The following CNTN5 variants were observed in gnomAD, a reference collection of about 807,000 sequenced individuals.
CNTN5 encodes the protein contactin 5.
In CNTN5, 77 loss-of-function variants were observed where a neutral mutation model predicts 129.1. The observed-to-expected ratio is 0.60, with a 90% CI of 0.50 to 0.72. The LOEUF is 0.72. Ranked by LOEUF, CNTN5 falls within the 30% of genes least tolerant of loss-of-function variation. The probability of loss-of-function intolerance (pLI) is 0.00; values close to 1 mark genes in which losing one functional copy is unlikely to be tolerated. For missense variants in CNTN5, 1,478 were observed against 1,328.8 expected, an observed-to-expected ratio of 1.11 and a Z score of -1.75; for synonymous variants, 509 against 465.6, an observed-to-expected ratio of 1.09 and a Z score of -1.20.
chr11:99,342,592 A>G, intron 2 of CNTN5, among the ~76,000 whole-genome samples: 1 of 140,026 alleles, frequency 7.1e-6, no homozygotes, highest in Admixed American at 7.1e-5. Flanking sequence ...AAAAAAAAAA[A>G]AAAAAAAAAA....
intron 3 of CNTN5, among the ~76,000 whole-genome samples, chr11:99,601,533 G>C (rs1950311791): frequency 6.6e-6 from 1 of 152,070 alleles, no homozygotes; most frequent in South Asian, 2.1e-4. Flanking sequence ...AAATTAACTT[G>C]ATATTCAAAG....
intron 1 of CNTN5, among the ~76,000 whole-genome samples, chr11:99,069,654 G>A (rs1443596104): frequency 1.3e-5 from 2 of 151,988 alleles, no homozygotes; most frequent in East Asian, 1.9e-4. Flanking sequence ...ACATTTTTCA[G>A]GTACTTAATA....
At chr11:100,054,412 C>A (rs1204802774) in intron 9 of CNTN5, among the ~76,000 whole-genome samples, 1 of 151,792 alleles carries the variant, frequency 6.6e-6, no homozygotes, top group Non-Finnish European at 1.5e-5. Flanking sequence ...AACAACCTAA[C>A]CAGTATTTTC....
chr11:99,827,820 G>A (rs1947014034), intron 4 of CNTN5, among the ~76,000 whole-genome samples: 1 of 152,084 alleles, frequency 6.6e-6, no homozygotes, highest in African/African-American at 2.4e-5. Flanking sequence ...CTGAATGTTT[G>A]TGACGCAAAT....
At position 100,149,224 on chromosome 11, in the gene CNTN5, T is replaced by C. The variant is rs548688725; in HGVS notation, c.1581-41902T>C. 1.5e-4 allele frequency among the ~76,000 whole-genome samples: 23 copies of C among 149,962 alleles called. No individual in the cohort carries two copies. The East Asian group carries it at 1.6e-3, about 10-fold the overall frequency. ...TTCATTCATTTTCTGTTCCAAGTTTTCATATGAAAGTACAAAAAGTGAAGC... is the reference window on the plus strand; with the variant it reads ...TTCATTCATTTTCTGTTCCAAGTTTCCATATGAAAGTACAAAAAGTGAAGC... On this transcript the variant is annotated intron_variant, in intron 13 of 24. Transcript: ENST00000524871.
intron 1 of CNTN5, among the ~76,000 whole-genome samples, chr11:99,291,168 G>T (rs549429651): frequency 1.3e-5 from 2 of 151,878 alleles, no homozygotes; most frequent in Non-Finnish European, 2.9e-5. Context: ...TTGTTAAAAT[G>T]AAAACATTTT....
intron 3 of CNTN5, among the ~76,000 whole-genome samples, chr11:99,696,950 A>G (rs1216377246): frequency 6.6e-6 from 1 of 151,992 alleles, no homozygotes; most frequent in Non-Finnish European, 1.5e-5. Context: ...AACAACAACA[A>G]CAACAAAAGT....
chr11:99,575,777 AC>A (rs1644035567), intron 3 of CNTN5, among the ~76,000 whole-genome samples: 1 of 152,176 alleles, frequency 6.6e-6, no homozygotes, highest in Non-Finnish European at 1.5e-5. Flanking sequence ...ATGCCACCAG[AC>A]AGGAGGAGGT....
At chr11:99,916,280 G>A (rs905287247) in intron 7 of CNTN5, 131 bp downstream of exon 7, 20 of 623,514 alleles carry the variant, frequency 3.2e-5, no homozygotes, top group Non-Finnish European at 4.5e-5. Flanking sequence ...CTATCAGAGT[G>A]CCAGATGAGT....
At chr11:99,915,852 T>C (rs562556115) in intron 6 of CNTN5, among the ~76,000 whole-genome samples, 1 of 152,276 alleles carries the variant, frequency 6.6e-6, no homozygotes, top group East Asian at 1.9e-4. Flanking sequence ...GAGTGTGGTT[T>C]TTCTATGGGT....
intron 13 of CNTN5, among the ~76,000 whole-genome samples, chr11:100,111,723 T>G (rs1223358586): frequency 6.6e-6 from 1 of 152,184 alleles, no homozygotes; most frequent in Non-Finnish European, 1.5e-5. Context: ...GGTGCAGTAT[T>G]GTAGAGAAGA....
At position 99,560,542 on chromosome 11, in the gene CNTN5, C is replaced by T. The variant is rs150160053; in HGVS notation, c.55+4273C>T. Reference sequence around the variant, plus strand: ...CCAACCTCAGGTGATCCGCCTGCCTCGGCCTCCCAAACTGCTGGGATAACA... The same window carrying T: ...CCAACCTCAGGTGATCCGCCTGCCTTGGCCTCCCAAACTGCTGGGATAACA... On this transcript the variant is annotated intron_variant, in intron 3 of 24. Coordinates refer to ENST00000524871, the MANE Select transcript of CNTN5 (RefSeq NM_014361.4). Among the ~76,000 whole-genome samples, 1,004 of 152,150 alleles carry T rather than the reference C, an allele frequency of 6.6e-3. 11 individuals carry two copies. Among genetic ancestry groups the T allele is most frequent in the African/African-American group, 0.023 (940 of 41,508 alleles).
At chr11:100,091,601 G>A (rs1944789389) in intron 13 of CNTN5, among the ~76,000 whole-genome samples, 1 of 151,062 alleles carries the variant, frequency 6.6e-6, no homozygotes, top group African/African-American at 2.4e-5. Flanking sequence ...GCTATTTTTT[G>A]TATTTTCAGT....
rs1469185394 is a variant in CNTN5, at chr11:99,323,328, G to T, written c.-209-2018G>T. ...TCACAACATACTGTCTTAAAGACAAGCATGAGTTTATTCCAGAGACAAAAT... is the reference window on the plus strand; with the variant it reads ...TCACAACATACTGTCTTAAAGACAATCATGAGTTTATTCCAGAGACAAAAT... On this transcript the variant is annotated intron_variant, in intron 1 of 24. Transcript: ENST00000524871. Among the ~76,000 whole-genome samples the T allele has an allele frequency of 1.3e-5, 2 of 152,074 alleles. 1 individual carries two copies. The highest frequency in any genetic ancestry group is 4.1e-4 in the South Asian group (2 of 4,838).
At chr11:99,988,622 G>T (rs942945049) in intron 8 of CNTN5, among the ~76,000 whole-genome samples, 1 of 152,200 alleles carries the variant, frequency 6.6e-6, no homozygotes, top group Non-Finnish European at 1.5e-5. Context: ...AGAAATCCAA[G>T]ATTAAGGTCT....
At chr11:99,857,040 C>G (rs1209529315) in intron 6 of CNTN5, among the ~76,000 whole-genome samples, 3 of 149,118 alleles carry the variant, frequency 2.0e-5, no homozygotes, top group African/African-American at 7.6e-5. Context: ...ATCTCCCTCT[C>G]TCTCTCCCTC....
intron 13 of CNTN5, among the ~76,000 whole-genome samples, chr11:100,120,714 C>T (rs994603919): frequency 6.6e-6 from 1 of 151,638 alleles, no homozygotes; most frequent in African/African-American, 2.4e-5. Flanking sequence ...AAGTGACAAG[C>T]TTATTTTTAC....
At chr11:99,486,803 A>C (rs1028503238) in intron 2 of CNTN5, among the ~76,000 whole-genome samples, 4 of 152,178 alleles carry the variant, frequency 2.6e-5, no homozygotes, top group Non-Finnish European at 5.9e-5. Context: ...GAGGTTAACC[A>C]TAAGTTATAA....
intron 21 of CNTN5, among the ~76,000 whole-genome samples, chr11:100,332,651 C>T (rs761254080): frequency 1.3e-5 from 2 of 152,050 alleles, no homozygotes; most frequent in Non-Finnish European, 2.9e-5. Flanking sequence ...TAGTTTAACA[C>T]GTAAGTCAGT....
Sources: gnomAD v4.1 joint callset for allele counts (sites outside exome capture counted in the v4.1 genomes callset) on GRCh38, gnomAD v4.1.1 for gene constraint, MANE v1.5 for transcripts, NCBI Gene and HGNC (gene_info 2026-07-23, HGNC 2026-07-21) for gene names.